The following ME3 variants were observed in gnomAD, a reference collection of about 807,000 sequenced individuals.
ME3 encodes malic enzyme 3.
In ME3, 48 loss-of-function variants were observed where a neutral mutation model predicts 68.9. The observed-to-expected ratio is 0.70, with a 90% confidence interval of 0.55 to 0.89. The LOEUF (loss-of-function observed/expected upper bound fraction) is 0.89, where lower values mean the gene tolerates loss of function less well. Ranked by LOEUF, ME3 falls within the 40% of genes least tolerant of loss-of-function variation. ME3 has a pLI of 0.00. For synonymous variants in ME3, 320 were observed against 318.8 expected (o/e 1.00, Z -0.04); for missense variants, 675 against 797.4 (o/e 0.85, Z 1.85).
intron 4 of ME3, among the ~76,000 whole-genome samples, chr11:86,514,099 C>G (rs1165465084): frequency 1.3e-5 from 2 of 152,156 alleles, no homozygotes; most frequent in African/African-American, 2.4e-5. Flanking sequence ...CTCATGAGAT[C>G]TGATGGTTTT....
At chr11:86,511,603 A>G (rs760505249) in intron 4 of ME3, among the ~76,000 whole-genome samples, 19 of 152,266 alleles carry the variant, frequency 1.2e-4, no homozygotes, top group Middle Eastern at 3.4e-3. Context: ...CTCTCCATGA[A>G]ACTGATCCCT....
intron 8 of ME3, chr11:86,462,551 T>C: frequency 7.9e-7 from 1 of 1,259,462 alleles, no homozygotes; most frequent in Non-Finnish European, 1.0e-6. Context: ...AGGTGTCCAG[T>C]GTAGACATAC....
intron 2 of ME3, among the ~76,000 whole-genome samples, chr11:86,653,500 G>C (rs1370917697): frequency 1.3e-5 from 2 of 152,164 alleles, no homozygotes; most frequent in African/African-American, 2.4e-5. Context: ...TGACTACTGG[G>C]TACATAACAA....
chr11:86,561,738 G>A (rs1957245946), intron 2 of ME3, among the ~76,000 whole-genome samples: 1 of 152,164 alleles, frequency 6.6e-6, no homozygotes, highest in Non-Finnish European at 1.5e-5. Flanking sequence ...ATAAATTAGA[G>A]TACAGTGGTT....
intron 14 of ME3, among the ~76,000 whole-genome samples, chr11:86,441,976 T>G (rs1949018466): frequency 6.6e-6 from 1 of 152,206 alleles, no homozygotes; most frequent in South Asian, 2.1e-4. Flanking sequence ...AGCTGGACTG[T>G]TAATCTTGAG....
intron 8 of ME3, among the ~76,000 whole-genome samples, chr11:86,454,207 C>T (rs1429445199): frequency 6.6e-6 from 1 of 152,188 alleles, no homozygotes; most frequent in Non-Finnish European, 1.5e-5. Context: ...TTCCAATATA[C>T]TTTGTGTTTT....
intron 2 of ME3, among the ~76,000 whole-genome samples, chr11:86,601,808 T>C (rs902272638): frequency 6.6e-6 from 1 of 151,896 alleles, no homozygotes; most frequent in East Asian, 1.9e-4. Context: ...TATACACCAA[T>C]AAATAAATGT....
At chr11:86,576,415 C>T (rs1029491203) in intron 2 of ME3, among the ~76,000 whole-genome samples, 4 of 152,144 alleles carry the variant, frequency 2.6e-5, no homozygotes, top group Non-Finnish European at 2.9e-5. Context: ...GTGTCCATCC[C>T]CAGCACCCAG....
At chr11:86,591,245 C>A (rs1339265298) in intron 2 of ME3, among the ~76,000 whole-genome samples, 5 of 152,122 alleles carry the variant, frequency 3.3e-5, no homozygotes, top group Non-Finnish European at 5.9e-5. Context: ...TGGAATATAG[C>A]AATACTGCTT....
intron 2 of ME3, among the ~76,000 whole-genome samples, chr11:86,597,982 T>G (rs1048731017): frequency 9.9e-5 from 15 of 152,094 alleles, no homozygotes; most frequent in African/African-American, 3.6e-4. Context: ...GATGGCCGAA[T>G]AGGAACAGTT....
At chr11:86,449,996 T>C (rs1949542678) in exon 10 of ME3, 1 of 1,610,600 alleles carries the variant, frequency 6.2e-7, no homozygotes, top group African/African-American at 1.3e-5. Flanking sequence ...GCAATGCCCA[T>C]AGCTGCCTGG....
chr11:86,518,813 T>A (rs995949305), intron 4 of ME3, among the ~76,000 whole-genome samples: 1 of 152,122 alleles, frequency 6.6e-6, no homozygotes, highest in South Asian at 2.1e-4. Flanking sequence ...CTAAAAGCAC[T>A]GGTATCCTTA....
intron 4 of ME3, among the ~76,000 whole-genome samples, chr11:86,525,690 C>T (rs1954682895): frequency 6.6e-6 from 1 of 151,946 alleles, no homozygotes; most frequent in South Asian, 2.1e-4. Flanking sequence ...TGGTGAACCC[C>T]ATCTCTACTA....
chr11:86,490,028 G>A (rs553206628), intron 6 of ME3, among the ~76,000 whole-genome samples: 2 of 152,302 alleles, frequency 1.3e-5, no homozygotes, highest in South Asian at 4.1e-4. Flanking sequence ...GTGGTCTTAA[G>A]CACTCAGTCA....
At chr11:86,498,237 GGT>G in intron 5 of ME3, 113 bp from the exon 6 acceptor site, 1 of 1,273,838 alleles carries the variant, frequency 7.9e-7, no homozygotes, top group Non-Finnish European at 1.1e-6. Context: ...TGACTTTGCC[GGT>G]GTGAAAGAGC....
chr11:86,439,758 CATTT>C (rs1339769643), downstream of ME3, among the ~76,000 whole-genome samples: 1 of 152,146 alleles, frequency 6.6e-6, no homozygotes, highest in Non-Finnish European at 1.5e-5. Context: ...ATTTTGCTTT[CATTT>C]GTTTTCTCTA....
At chr11:86,580,847 A>C (rs535993987) in intron 2 of ME3, among the ~76,000 whole-genome samples, 2 of 152,326 alleles carry the variant, frequency 1.3e-5, no homozygotes, top group East Asian at 3.9e-4. Context: ...ACATTTTGCA[A>C]TCACCTTTGT....
intron 7 of ME3, among the ~76,000 whole-genome samples, chr11:86,486,565 C>G (rs1030552422): frequency 1.3e-5 from 2 of 152,248 alleles, no homozygotes; most frequent in African/African-American, 4.8e-5. Context: ...CAGGCCATCT[C>G]TGCCAAACCT....
intron 4 of ME3, among the ~76,000 whole-genome samples, chr11:86,553,306 G>A (rs1956784011): frequency 1.3e-5 from 2 of 152,192 alleles, no homozygotes; most frequent in South Asian, 4.1e-4. Flanking sequence ...TTTGGTGGGG[G>A]GCCAGACACC....
Sources: allele counts gnomAD v4.1 joint callset (sites outside exome capture counted in the v4.1 genomes callset), GRCh38; gene constraint gnomAD v4.1.1; transcripts MANE v1.5; gene names NCBI Gene and HGNC (gene_info 2026-07-23, HGNC 2026-07-21).